MSH3: variants seen among roughly 807,000 people sequenced by gnomAD.
The protein encoded by MSH3 is DNA mismatch repair protein Msh3.
A neutral mutation model predicts 123.3 loss-of-function variants in MSH3; 106 were observed. The observed-to-expected ratio is 0.86, with a 90% CI of 0.73 to 1.01. MSH3 has a LOEUF of 1.01. Ranked by LOEUF, MSH3 falls within the 50% of genes least tolerant of loss-of-function variation. The pLI is 0.00. For synonymous variants in MSH3, 515 were observed against 481.4 expected (o/e 1.07, Z -0.91); for missense variants, 1,459 against 1,347.6 (o/e 1.08, Z -1.29).
chr5:80,807,609 G>A (rs1333136573), intron 19 of MSH3, among the ~76,000 whole-genome samples: 1 of 152,180 alleles, frequency 6.6e-6, no homozygotes, highest in Non-Finnish European at 1.5e-5. Flanking sequence ...TGTTACATCA[G>A]TTTATTGTCA....
At position 80,761,189 on chromosome 5, in the gene MSH3, G is replaced by A. The variant is rs181782333; in HGVS notation, c.1764-357G>A. Among the ~76,000 whole-genome samples, 338 of 152,232 alleles carry A rather than the reference G, an allele frequency of 2.2e-3. 4 individuals are homozygous for A. Among genetic ancestry groups the A allele is most frequent in the Non-Finnish European group, 7.2e-4 (49 of 68,016 alleles). On this transcript the variant is annotated intron_variant, in intron 12 of 23. Transcript: ENST00000265081. ...AAAAATGGAATTTATTGGGCAAAGA[G>A]CAATAAAAAGGGAAACAAAGACTCT...
intron 10 of MSH3, among the ~76,000 whole-genome samples, chr5:80,740,713 CTTTTT>C (rs34246815): frequency 7.6e-6 from 1 of 131,424 alleles, no homozygotes; most frequent in African/African-American, 2.8e-5. Flanking sequence ...ATGTTAGAAT[CTTTTT>C]TTTTTTTTTT....
chr5:80,702,463 G>A (rs574827532), intron 8 of MSH3, among the ~76,000 whole-genome samples: 2 of 152,316 alleles, frequency 1.3e-5, no homozygotes, highest in South Asian at 2.1e-4. Context: ...GGGAGCCACT[G>A]GGAGCAGAGG....
chr5:80,676,995 T>C (rs988157238), intron 7 of MSH3, among the ~76,000 whole-genome samples: 1 of 152,194 alleles, frequency 6.6e-6, no homozygotes, highest in Non-Finnish European at 1.5e-5. Context: ...GCAACCACTT[T>C]TGGGCTGATG....
At chr5:80,769,976 C>G (rs546070711) in intron 15 of MSH3, among the ~76,000 whole-genome samples, 132 of 152,208 alleles carry the variant, frequency 8.7e-4, no homozygotes, top group Admixed American at 5.4e-3. Flanking sequence ...AACCTGTCTT[C>G]TGAACTAAAA....
At chr5:80,796,970 C>T (rs931300835) in intron 19 of MSH3, among the ~76,000 whole-genome samples, 6 of 152,106 alleles carry the variant, frequency 3.9e-5, no homozygotes, top group Admixed American at 3.3e-4. Flanking sequence ...GACTTCATGC[C>T]GTTCCCAAGT....
At chr5:80,784,777 C>G (rs1744474194) in intron 17 of MSH3, among the ~76,000 whole-genome samples, 1 of 152,108 alleles carries the variant, frequency 6.6e-6, no homozygotes, top group Non-Finnish European at 1.5e-5. Flanking sequence ...TGCACAGATT[C>G]TAACACTGTT....
chr5:80,668,136 G>A (rs1009486677), intron 3 of MSH3, among the ~76,000 whole-genome samples: 11 of 152,188 alleles, frequency 7.2e-5, no homozygotes, highest in Non-Finnish European at 1.6e-4. Context: ...GGGGACCCTG[G>A]AGTGGGTAGC....
rs774231598 is a variant in MSH3, at chr5:80,778,702, T to C, written c.2319-18T>C. On this transcript the variant is annotated intron_variant, in intron 16 of 23. Transcript: ENST00000265081. ...TACTAACCTTGATTTCCTATTTGTGTTCTTTCCCCTCTTCTAGCACAAAAG... is the reference window on the plus strand; with the variant it reads ...TACTAACCTTGATTTCCTATTTGTGCTCTTTCCCCTCTTCTAGCACAAAAG... 5.0e-6 allele frequency: 7 copies of C among 1,407,962 alleles called. No individual in the cohort carries two copies. In the Admixed American group the frequency reaches 1.2e-4, roughly 24 times the overall value. The allele number at this position is 1,407,962 out of a possible 1,614,324, so 87.2% of individuals were successfully genotyped here. A position where few individuals can be genotyped will look rare whatever the true frequency, so the allele number is the denominator to read the frequency against.
At chr5:80,847,683 A>C (rs1446037997) in intron 20 of MSH3, among the ~76,000 whole-genome samples, 2 of 152,076 alleles carry the variant, frequency 1.3e-5, no homozygotes, top group East Asian at 1.9e-4. Context: ...ATCTTTTCTT[A>C]CTAATCTTAC....
chr5:80,823,206 G>A (rs572546818), intron 20 of MSH3, among the ~76,000 whole-genome samples: 47 of 152,032 alleles, frequency 3.1e-4, no homozygotes, highest in Admixed American at 1.6e-3. Context: ...ATGGCTTTAT[G>A]GTCATTTTTC....
At chr5:80,742,003 C>CTTTTTT (rs565490803) in intron 11 of MSH3, among the ~76,000 whole-genome samples, 2 of 144,856 alleles carry the variant, frequency 1.4e-5, no homozygotes, top group Non-Finnish European at 1.5e-5. Flanking sequence ...TGCAAACTTT[C>CTTTTTT]TTTTTTTTTT....
intron 7 of MSH3, among the ~76,000 whole-genome samples, chr5:80,676,757 A>G (rs936831363): frequency 6.6e-6 from 1 of 152,234 alleles, no homozygotes; most frequent in African/African-American, 2.4e-5. Flanking sequence ...ATATACAAAT[A>G]GTAAAGTTAT....
intron 17 of MSH3, among the ~76,000 whole-genome samples, chr5:80,784,780 A>G (rs1378828510): frequency 6.6e-6 from 1 of 152,170 alleles, no homozygotes; most frequent in Non-Finnish European, 1.5e-5. Flanking sequence ...ACAGATTCTA[A>G]CACTGTTGGT....
intron 10 of MSH3, among the ~76,000 whole-genome samples, chr5:80,738,451 T>A (rs1743552974): frequency 6.6e-6 from 1 of 151,946 alleles, no homozygotes; most frequent in Non-Finnish European, 1.5e-5. Context: ...TTAGTTGGAG[T>A]CAGGGAACAA....
chr5:80,749,135 G>A (rs1043082095), intron 12 of MSH3, among the ~76,000 whole-genome samples: 4 of 152,114 alleles, frequency 2.6e-5, no homozygotes, highest in Non-Finnish European at 2.9e-5. Flanking sequence ...ATGTATATAA[G>A]GAGTATTGAC....
At chr5:80,674,772 C>T (rs1197602535) in intron 6 of MSH3, among the ~76,000 whole-genome samples, 4 of 151,924 alleles carry the variant, frequency 2.6e-5, no homozygotes, top group African/African-American at 9.7e-5. Context: ...GAGACAGCAT[C>T]TTGCTTTGTT....
Position 80,833,335 on chromosome 5 carries a change from A to G in MSH3, c.2813+19594A>G, listed in dbSNP as rs527725405. ...ATACAGACAGCTTGATAATAATAAC[A>G]TATGCTGTGGAATTCCCTAAATCTC... On this transcript the variant is annotated intron_variant, in intron 20 of 23. Coordinates refer to ENST00000265081, the MANE Select transcript of MSH3 (RefSeq NM_002439.5). Among the ~76,000 whole-genome samples, 6 of 152,328 alleles carry G rather than the reference A, an allele frequency of 3.9e-5. No individual in the cohort carries two copies. In the South Asian group the frequency reaches 1.2e-3, roughly 32 times the overall value.
intron 22 of MSH3, among the ~76,000 whole-genome samples, chr5:80,870,993 C>T (rs1369859162): frequency 2.0e-5 from 3 of 152,168 alleles, no homozygotes; most frequent in African/African-American, 7.2e-5. Flanking sequence ...GCTGCTTTAG[C>T]TTAAACTACA....
Sources: gnomAD v4.1 joint callset for allele counts (sites outside exome capture counted in the v4.1 genomes callset) on GRCh38, gnomAD v4.1.1 for gene constraint, MANE v1.5 for transcripts, NCBI Gene and HGNC (gene_info 2026-07-23, HGNC 2026-07-21) for gene names.